CPSF1: variants seen among roughly 807,000 people sequenced by gnomAD.
CPSF1 encodes the protein cleavage and polyadenylation specificity factor subunit 1.
In CPSF1, 106 loss-of-function variants were observed where a neutral mutation model predicts 175.8. The ratio of observed to expected loss-of-function variants is 0.60; its 90% confidence interval spans 0.52 to 0.71. CPSF1 has a LOEUF of 0.71. Ranked by LOEUF, CPSF1 falls within the 30% of genes least tolerant of loss-of-function variation. CPSF1 has a pLI of 0.00. For synonymous variants in CPSF1, 1,024 were observed against 858.3 expected (o/e 1.19, Z -3.37); for missense variants, 1,734 against 2,022.9 (o/e 0.86, Z 2.74).
Position 144,409,137 on chromosome 8 carries a change from C to G in CPSF1, c.22G>C (p.Ala8Pro), listed in dbSNP as rs1342231619. The G allele has an allele frequency of 6.2e-7, 1 of 1,612,350 alleles. No individual in the cohort carries two copies. Among genetic ancestry groups the G allele is most frequent in the Non-Finnish European group, 8.5e-7 (1 of 1,179,492 alleles). ...AACTCCAGACCGGTGGGCGGATGCG[C>G]CTGTTTGTACACGGCGTACATGGCG... MYAVYKQ[A>P]HPPTGLEFSM... The change falls in exon 2 of 38, where the codon GCG becomes CCG. Residue 8 changes from alanine (A) to proline (P), a missense_variant. Physicochemically the swap from Ala to Pro is conservative, Grantham distance 27. Transcript: ENST00000616140.
intron 20 of CPSF1, 31 bp downstream of exon 20, chr8:144,397,923 A>G: frequency 1.3e-6 from 2 of 1,599,814 alleles, no homozygotes; most frequent in Middle Eastern, 1.7e-4. Flanking sequence ...AGGGGCAGGG[A>G]CAGGAGGGCG....
In CPSF1 at chr8:144,400,747, T is replaced by A. The variant is rs2116877873; in HGVS notation, c.610A>T (p.Ile204Phe). The stretch of plus-strand genomic sequence containing the variant: ...TAGCCATGCAGGAACTGCAGGTCGA[T>A]GATGTTGAGCAGCTTCTCGTCTAGG... ...RALDEKLLNI[I>F]DLQFLHGYYE... The change falls in exon 7 of 38, where the codon ATC becomes TTC. Residue 204 changes from isoleucine (I) to phenylalanine (F), a missense_variant. Around this residue, in one of 10 missense-constraint regions of CPSF1, gnomAD observed 122 missense variants for 177.2 expected, o/e 0.69. Transcript: ENST00000616140. 6.2e-7 allele frequency: 1 copy of A among 1,613,834 alleles called. No individual in the cohort carries two copies. Among genetic ancestry groups the A allele is most frequent in the African/African-American group, 1.3e-5 (1 of 75,040 alleles).
At chr8:144,398,713 C>A in intron 17 of CPSF1, 66 bp downstream of exon 17, 1 of 1,597,532 alleles carries the variant, frequency 6.3e-7, no homozygotes, top group Non-Finnish European at 8.6e-7. Context: ...ACCTGGGCAC[C>A]CCCGGCCTAT....
intron 2 of CPSF1, among the ~76,000 whole-genome samples, chr8:144,405,526 A>T (rs1821450783): frequency 6.6e-6 from 1 of 152,118 alleles, no homozygotes; most frequent in Admixed American, 6.5e-5. Flanking sequence ...CGGGAGGTTG[A>T]GGCAGGAGAA....
Position 144,399,415 on chromosome 8 carries a change from T to C in CPSF1, c.1294+37A>G, listed in dbSNP as rs1821012948. 1 of 1,612,666 alleles carries C rather than the reference T, an allele frequency of 6.2e-7. No homozygotes were observed. The highest frequency in any genetic ancestry group is 1.3e-5 in the African/African-American group (1 of 74,942). On this transcript the variant is annotated intron_variant, in intron 13 of 37. Coordinates refer to ENST00000616140, the MANE Select transcript of CPSF1 (RefSeq NM_013291.3). This position sits in a 1 kb window ranked among gnomAD's most constrained non-coding sequence, Gnocchi z 6.4. ...CACTTGAGCGCAGCCCTGGGTCACCTGGCCCCGCTCCTGACCAGCCCTGGA... is the reference window on the plus strand; with the variant it reads ...CACTTGAGCGCAGCCCTGGGTCACCCGGCCCCGCTCCTGACCAGCCCTGGA...
chr8:144,408,907 A>T, intron 2 of CPSF1, 108 bp downstream of exon 2: 1 of 1,359,178 alleles, frequency 7.4e-7, no homozygotes, highest in African/African-American at 1.4e-5. Context: ...GAGGAACGTT[A>T]AGCAAATCAC....
intron 5 of CPSF1, 40 bp downstream of exon 5, chr8:144,401,171 G>A (rs1821183823): frequency 6.5e-7 from 1 of 1,548,542 alleles, no homozygotes; most frequent in Non-Finnish European, 8.7e-7. Context: ...AGGGAGGGTG[G>A]CTGGGCGGGG....
intron 26 of CPSF1, 115 bp from the exon 27 acceptor site, chr8:144,395,666 G>T: frequency 1.2e-6 from 1 of 839,348 alleles, no homozygotes. Context: ...GAGCAGGGGT[G>T]GGTGAGGGGC....
chr8:144,395,241 G>A (rs377669005), intron 28 of CPSF1, 24 bp downstream of exon 28: 128 of 1,612,978 alleles, frequency 7.9e-5, no homozygotes, highest in Non-Finnish European at 4.4e-5. Flanking sequence ...GCTGAGGATG[G>A]GAGTATGGTG....
At chr8:144,403,298 T>C (rs2116894343) in intron 2 of CPSF1, among the ~76,000 whole-genome samples, 7 of 151,998 alleles carry the variant, frequency 4.6e-5, no homozygotes, top group Non-Finnish European at 1.0e-4. Context: ...GGTTTTGCCA[T>C]GGCCAGGCTG....
intron 2 of CPSF1, among the ~76,000 whole-genome samples, chr8:144,406,588 C>G (rs1351295236): frequency 1.3e-5 from 2 of 152,224 alleles, no homozygotes; most frequent in African/African-American, 4.8e-5. Context: ...GACACCAACC[C>G]CAGGCTGAAG....
chr8:144,397,069 G>A, intron 23 of CPSF1, 138 bp downstream of exon 23: 2 of 955,082 alleles, frequency 2.1e-6, no homozygotes, highest in South Asian at 1.6e-5. Flanking sequence ...GGGGCTGTGA[G>A]GGAGATGGGG....
Position 144,395,312 on chromosome 8 carries a change from A to G in CPSF1, c.3140T>C (p.Ile1047Thr). 1 of 1,613,044 alleles carries G rather than the reference A, an allele frequency of 6.2e-7. No individual in the cohort carries two copies. Residue 1047 changes from isoleucine (I) to threonine (T), a missense_variant, in exon 28 of 38, where the codon ATC becomes ACC. Around this residue, in one of 10 missense-constraint regions of CPSF1, gnomAD observed 585 missense variants for 584.7 expected, o/e 1.00. Transcript: ENST00000616140. ...ATSTNTPCAR[I>T]PRMTGEEKEF... ...CTTCTCCTCGCCAGTCATGCGTGGG[A>G]TGCGGGCACACGGCGTGTTGGTGCT...
At chr8:144,397,147 G>A in intron 23 of CPSF1, 60 bp downstream of exon 23, 2 of 1,460,804 alleles carry the variant, frequency 1.4e-6, no homozygotes, top group Non-Finnish European at 1.8e-6. Flanking sequence ...GCGGGGCTGT[G>A]GGGGAACGGG....
At chr8:144,393,408 CACACGGAGGGGCGGG>C in intron 37 of CPSF1, 29 bp downstream of exon 37, 1 of 1,038,194 alleles carries the variant, frequency 9.6e-7, no homozygotes, top group South Asian at 1.4e-5. Context: ...GGTGGGGATG[CACACGGAGGGGCGGG>C]GCGCGCGGGG....
rs782442223 is a variant in CPSF1 at position 144,393,372 on chromosome 8, G to GGGATGGAA, written c.4285-15_4285-8dup. ...CCAGCAAGTCGTCCAGGATCTGCAG[G>GGGATGGAA]GGATGGAAGGGTGGGTGGGTGGGTG... is the stretch of plus-strand genomic sequence containing the variant. On this transcript the variant is annotated splice_polypyrimidine_tract_variant and splice_region_variant and intron_variant, in intron 37 of 37. Coordinates refer to ENST00000616140, the MANE Select transcript of CPSF1 (RefSeq NM_013291.3). 5 of 1,415,818 alleles carry GGGATGGAA rather than the reference G, an allele frequency of 3.5e-6. No individual in the cohort carries two copies. Among genetic ancestry groups the GGGATGGAA allele is most frequent in the Non-Finnish European group, 2.8e-6 (3 of 1,053,350 alleles). The allele number at this position is 1,415,818 out of a possible 1,614,324, so 87.7% of individuals were successfully genotyped here. A position where few individuals can be genotyped will look rare whatever the true frequency, so the allele number is the denominator to read the frequency against.
chr8:144,398,851 C>A lies in CPSF1; in HGVS notation c.1566G>T (p.Gln522His). 6.2e-7 allele frequency: 1 copy of A among 1,610,024 alleles called. No individual in the cohort carries two copies. Among genetic ancestry groups the A allele is most frequent in the African/African-American group, 1.3e-5 (1 of 74,988 alleles). Residue 522 changes from glutamine to histidine, a missense_variant, in exon 17 of 38, where the codon CAG (glutamine) becomes CAT (histidine). Coordinates refer to ENST00000616140, the MANE Select transcript of CPSF1 (RefSeq NM_013291.3). ...CGGGAAGCTCAAAGGTTGTCACCAC[C>A]TGGGGCCGGATGCTCTTCTAGAATG... is the stretch of plus-strand genomic sequence containing the variant. ...LSVLQKSIRP[Q>H]VVTTFELPGC...
In CPSF1 at chr8:144,399,545, G is replaced by T. The variant is rs2116863816; in HGVS notation, c.1243-42C>A. 10 of 1,611,724 alleles carry T rather than the reference G, an allele frequency of 6.2e-6. No individual in the cohort carries two copies. Among genetic ancestry groups the T allele is most frequent in the Non-Finnish European group, 8.5e-6 (10 of 1,179,372 alleles). ...GCACTGAGTGGCATGCCACAGCAGT[G>T]CCCACATGAAGGGTGGTGGCCCAAT... On this transcript the variant is annotated intron_variant, in intron 12 of 37. Coordinates refer to ENST00000616140, the MANE Select transcript of CPSF1 (RefSeq NM_013291.3). This position sits in a 1 kb window ranked among gnomAD's most constrained non-coding sequence, Gnocchi z 6.4.
rs782097694 is a variant in CPSF1 at position 144,397,258 on chromosome 8, C to T, written c.2541G>A (p.Lys847=). Residue 847 remains lysine (K), a synonymous_variant, in exon 23 of 38, where the codon AAG becomes AAA. Coordinates refer to ENST00000616140, the MANE Select transcript of CPSF1 (RefSeq NM_013291.3). ...TGCCCAGCGCCACCAGCAGCACCTC[C>T]TTGACGAGGGGCAGCTCCCCCTGGC... ...ATRQGELPLV[K]EVLLVALGSR... 14 of 1,550,440 alleles carry T rather than the reference C, an allele frequency of 9.0e-6. No individual in the cohort carries two copies. The African/African-American group carries it at 1.8e-4, about 20-fold the overall frequency.
Sources: gnomAD v4.1 joint callset for allele counts (sites outside exome capture counted in the v4.1 genomes callset) on GRCh38, gnomAD v4.1.1 for gene constraint, gnomAD v4.1.1 regional missense constraint, Gnocchi (gnomAD v3.1) non-coding constraint, MANE v1.5 for transcripts, NCBI Gene and HGNC (gene_info 2026-07-23, HGNC 2026-07-21) for gene names.